Variants in RBCK1 observed in about 807,000 individuals in gnomAD.
RBCK1 encodes the protein RANBP2-type and C3HC4-type zinc finger containing 1, also known as ranBP-type and C3HC4-type zinc finger-containing protein 1.
Under a neutral mutation model 71.1 loss-of-function variants are expected in RBCK1, and 44 were observed. The ratio of observed to expected loss-of-function variants is 0.62; its 90% CI spans 0.49 to 0.80. The LOEUF is 0.80. RBCK1 is among the 30% of genes least tolerant of loss of function. The pLI is 0.00. For synonymous variants in RBCK1, 306 were observed against 279.7 expected, an observed-to-expected ratio of 1.09 and a Z score of -0.94; for missense variants, 569 against 685.0, an observed-to-expected ratio of 0.83 and a Z score of 1.89.
At position 428,581 on chromosome 20, in the gene RBCK1, ATGC is replaced by A; in HGVS notation, c.1303_1305del (p.Leu435del). On this transcript the variant is annotated inframe_deletion, in exon 10 of 12. Transcript: ENST00000356286. The surrounding 1 kb of genome is among the most constrained non-coding windows in gnomAD (Gnocchi z 5.7). Reference sequence around the variant, plus strand: ...TGTGGCTGCCCGGCAGACGACAGAGATGCTGAAGGTGAGGCTGGGACAGGGCCG... The same window carrying A: ...TGTGGCTGCCCGGCAGACGACAGAGATGAAGGTGAGGCTGGGACAGGGCCG... 6.2e-7 allele frequency: 1 copy of A among 1,610,770 alleles called. No homozygotes were observed. The highest frequency in any genetic ancestry group is 8.5e-7 in the Non-Finnish European group (1 of 1,178,738).
intron 1 of RBCK1, among the ~76,000 whole-genome samples, chr20:409,399 C>A (rs980060924): frequency 9.9e-5 from 15 of 152,192 alleles, no homozygotes; most frequent in African/African-American, 3.6e-4. Context: ...AGTGTTACCC[C>A]CTCCCAGAGG....
chr20:429,037 C>T lies in RBCK1; in HGVS notation c.1395C>T (p.Cys465=), dbSNP rs762116740. Residue 465 remains cysteine (C), a synonymous_variant, in exon 11 of 12, where the codon TGC becomes TGT. Coordinates refer to ENST00000356286, the MANE Select transcript of RBCK1 (RefSeq NM_031229.4). ...QKKDGCDWIR[C]TVCHTEICWV... ...AGGACGGCTGCGACTGGATCCGCTG[C>T]ACCGTCTGCCACACCGAGATCTGCT... 5.0e-6 allele frequency: 8 copies of T among 1,612,602 alleles called. No individual in the cohort carries two copies. Among genetic ancestry groups the T allele is most frequent in the Non-Finnish European group, 6.8e-6 (8 of 1,179,908 alleles).
At chr20:419,313 CG>C (rs1341856138) in intron 4 of RBCK1, 33 bp from the exon 5 acceptor site, 1 of 1,610,694 alleles carries the variant, frequency 6.2e-7, no homozygotes, top group Admixed American at 1.7e-5. Flanking sequence ...AAGTGGGCCG[CG>C]TGGAACCACC....
At position 428,936 on chromosome 20, in the gene RBCK1, C is replaced by G. The variant is rs774508721; in HGVS notation, c.1309-15C>G. 1.0e-5 allele frequency: 16 copies of G among 1,600,376 alleles called. No homozygotes were observed. The highest frequency in any genetic ancestry group is 3.9e-4 in the Middle Eastern group (2 of 5,106). On this transcript the variant is annotated splice_polypyrimidine_tract_variant and intron_variant, in intron 10 of 11. Transcript: ENST00000356286. The surrounding 1 kb of genome is among the most constrained non-coding windows in gnomAD (Gnocchi z 5.7). ...CCCCAGCCCCGCCCCAGGGCCAGCA[C>G]CTGCCCCACTCCAGGTGATGCTGCA... is the stretch of plus-strand genomic sequence containing the variant.
intron 7 of RBCK1, among the ~76,000 whole-genome samples, chr20:421,650 A>G (rs2016444471): frequency 6.6e-6 from 1 of 151,986 alleles, no homozygotes; most frequent in Non-Finnish European, 1.5e-5. Flanking sequence ...GGCCTGCTGT[A>G]GGTGTGGGGT....
chr20:418,241 G>A (rs1215736439), intron 4 of RBCK1, among the ~76,000 whole-genome samples: 1 of 152,234 alleles, frequency 6.6e-6, no homozygotes, highest in Admixed American at 6.5e-5. Context: ...GACAGTGATC[G>A]TGATAACTAG....
intron 11 of RBCK1, among the ~76,000 whole-genome samples, chr20:429,722 A>G (rs1306188981): frequency 2.0e-5 from 3 of 152,198 alleles, no homozygotes; most frequent in Non-Finnish European, 4.4e-5. Flanking sequence ...CCGGCCCAAA[A>G]TGACTGGCCC....
chr20:410,660 A>C lies in RBCK1; in HGVS notation c.167+635A>C, dbSNP rs2015653495. 26 of 716,392 alleles carry C rather than the reference A, an allele frequency of 3.6e-5. No individual in the cohort carries two copies. In the East Asian group the frequency reaches 6.4e-4, roughly 18 times the overall value. The allele number at this position is 716,392 out of a possible 1,614,324, so 44.4% of individuals were successfully genotyped here. ...TTGGTAAGGGAAGGGAAGAGAATGG[A>C]TACTGTCGGTCTGTGCTCCAGGAGA... is the stretch of plus-strand genomic sequence containing the variant. On this transcript the variant is annotated intron_variant, in intron 2 of 11. Coordinates refer to ENST00000356286, the MANE Select transcript of RBCK1 (RefSeq NM_031229.4).
intron 11 of RBCK1, among the ~76,000 whole-genome samples, chr20:429,566 A>T (rs751464992): frequency 8.5e-5 from 13 of 152,200 alleles, no homozygotes; most frequent in Non-Finnish European, 8.8e-5. Context: ...AAATACCAGA[A>T]GATGACTATT....
chr20:420,170 C>A (rs2016296986), intron 6 of RBCK1: 2 of 985,108 alleles, frequency 2.0e-6, no homozygotes, highest in Admixed American at 1.2e-4. Context: ...CTCTCCTACT[C>A]CTGACCTCTT....
intron 6 of RBCK1, 102 bp from the exon 7 acceptor site, chr20:420,769 G>T: frequency 1.4e-6 from 1 of 728,124 alleles, no homozygotes; most frequent in Non-Finnish European, 1.9e-6. Flanking sequence ...CCTGTGGCTG[G>T]TCTGACCCAG....
intron 9 of RBCK1, among the ~76,000 whole-genome samples, 179 bp downstream of exon 9, chr20:427,671 C>T (rs765697612): frequency 1.2e-4 from 19 of 152,120 alleles, no homozygotes; most frequent in Admixed American, 2.6e-4. Flanking sequence ...GCCCCACAGA[C>T]GGAGTCCCAG....
chr20:412,573 C>T (rs574916931), intron 2 of RBCK1, among the ~76,000 whole-genome samples: 91 of 152,166 alleles, frequency 6.0e-4, no homozygotes, highest in Non-Finnish European at 1.1e-3. Context: ...CCACCTTGGC[C>T]TTTCCAAAGT....
At chr20:426,209 T>C (rs2016706019) in intron 8 of RBCK1, among the ~76,000 whole-genome samples, 1 of 152,188 alleles carries the variant, frequency 6.6e-6, no homozygotes, top group African/African-American at 2.4e-5. Flanking sequence ...ATCCTTTGTG[T>C]TACAGACAAT....
At chr20:426,787 T>TCTTTCA (rs1491315416) in intron 8 of RBCK1, among the ~76,000 whole-genome samples, 1 of 151,224 alleles carries the variant, frequency 6.6e-6, no homozygotes, top group African/African-American at 2.4e-5. Context: ...CCCCCCACTT[T>TCTTTCA]CTTTCACTTT....
rs767790757 is a variant in RBCK1, at chr20:428,462, TCTTAC to T, written c.1210-25_1210-21del. 3.9e-6 allele frequency: 6 copies of T among 1,539,014 alleles called. No individual in the cohort carries two copies. The highest frequency in any genetic ancestry group is 1.2e-5 in the South Asian group (1 of 82,834). On this transcript the variant is annotated intron_variant, in intron 9 of 11. Coordinates refer to ENST00000356286, the MANE Select transcript of RBCK1 (RefSeq NM_031229.4). The surrounding 1 kb of genome is among the most constrained non-coding windows in gnomAD (Gnocchi z 5.7). The stretch of plus-strand genomic sequence containing the variant: ...AGCTTCTTAACCCCCTGAGGAACCT[TCTTAC>T]CTTGAGTCCCTCACCCGCTACAGGC...
At chr20:418,668 C>G (rs2016175310) in intron 4 of RBCK1, among the ~76,000 whole-genome samples, 1 of 152,224 alleles carries the variant, frequency 6.6e-6, no homozygotes, top group South Asian at 2.1e-4. Context: ...ACGCCCAACC[C>G]ACATTTGCTT....
chr20:430,647 G>T lies in RBCK1; in HGVS notation c.*217G>T, dbSNP rs6107317. 3,673 of 593,558 alleles carry T rather than the reference G, an allele frequency of 6.2e-3. 100 individuals are homozygous for T. Among genetic ancestry groups the T allele is most frequent in the African/African-American group, 0.059 (3,193 of 53,700 alleles). 36.8% of individuals were successfully genotyped at this position (593,558 alleles called of 1,614,324 possible). ...TCCCCTGCGGCTCCCACCTCTGCCT[G>T]ACCCCAGCCTTAAACATAGCCCCTG... On this transcript the variant is annotated 3_prime_UTR_variant, in exon 12 of 12. Transcript: ENST00000356286. This position sits in a 1 kb window ranked among gnomAD's most constrained non-coding sequence, Gnocchi z 5.6.
intron 2 of RBCK1, among the ~76,000 whole-genome samples, chr20:412,527 A>G (rs1430939368): frequency 6.6e-6 from 1 of 152,138 alleles, no homozygotes; most frequent in Non-Finnish European, 1.5e-5. Context: ...CATGTTGGCC[A>G]GGCTGGTCTT....
Sources: gnomAD v4.1 joint callset for allele counts (sites outside exome capture counted in the v4.1 genomes callset) on GRCh38, gnomAD v4.1.1 for gene constraint, Gnocchi (gnomAD v3.1) non-coding constraint, MANE v1.5 for transcripts, NCBI Gene and HGNC (gene_info 2026-07-23, HGNC 2026-07-21) for gene names.